The following TTLL6 variants were observed in gnomAD, a reference collection of about 807,000 sequenced individuals.
The protein encoded by TTLL6 is tubulin tyrosine ligase like 6, also known as tubulin polyglutamylase TTLL6.
A neutral mutation model predicts 96.4 loss-of-function variants in TTLL6; 75 were observed. The observed-to-expected ratio is 0.78, with a 90% confidence interval of 0.65 to 0.94. The LOEUF (loss-of-function observed/expected upper bound fraction) is 0.94. TTLL6 is among the 40% of genes least tolerant of loss of function. TTLL6 has a pLI of 0.00. For synonymous variants in TTLL6, 411 were observed against 419.4 expected, an observed-to-expected ratio of 0.98 and a Z score of 0.24; for missense variants, 1,030 against 1,093.0, an observed-to-expected ratio of 0.94 and a Z score of 0.81.
Position 48,769,110 on chromosome 17 carries a change from G to C in TTLL6, c.2555C>G (p.Ala852Gly), listed in dbSNP as rs2038677797. The change falls in exon 15 of 16, where the codon GCC becomes GGC. Residue 852 changes from alanine (A) to glycine (G), a missense_variant. By Grantham distance (60) the Ala-to-Gly change is moderately conservative. Coordinates refer to ENST00000393382, the MANE Select transcript of TTLL6 (RefSeq NM_001130918.3). ...TCTACAAGGCCTTGGATCCAGTTGG[G>C]CTGGAGTGGCAATCACCAGCAGGTC... ...LRDLLVIATPAQLDPRPCRSH... is the reference protein window; with the variant it reads ...LRDLLVIATPGQLDPRPCRSH... 6.2e-7 allele frequency: 1 copy of C among 1,614,054 alleles called. No homozygotes were observed. The highest frequency in any genetic ancestry group is 1.1e-5 in the South Asian group (1 of 91,086).
At chr17:48,803,340 C>T (rs2039455701) in intron 3 of TTLL6, among the ~76,000 whole-genome samples, 3 of 151,588 alleles carry the variant, frequency 2.0e-5, no homozygotes. Context: ...ACTAGAAATA[C>T]AAAAATTTAG....
At chr17:48,812,075 CA>C (rs2039605348) in intron 1 of TTLL6, 1 of 107,844 alleles carries the variant, frequency 9.3e-6, no homozygotes, top group African/African-American at 3.5e-5. Context: ...CCCCCCCCCC[CA>C]CCCCCCGCTC....
rs147242441 is a variant in TTLL6, at chr17:48,787,796, C to T, written c.1589+15G>A. The stretch of plus-strand genomic sequence containing the variant: ...CAGAACCCCTCCACCGACCTCATCC[C>T]GGATGTCTTCCTACCGGGCATACTC... On this transcript the variant is annotated intron_variant, in intron 11 of 15. Transcript: ENST00000393382. 2,739 of 1,610,772 alleles carry T rather than the reference C, an allele frequency of 1.7e-3. 5 individuals carry two copies. Among genetic ancestry groups the T allele is most frequent in the Middle Eastern group, 4.6e-3 (28 of 6,044 alleles).
At chr17:48,774,109 A>C (rs866353262) in intron 13 of TTLL6, among the ~76,000 whole-genome samples, 14 of 71,902 alleles carry the variant, frequency 1.9e-4, no homozygotes, top group Middle Eastern at 8.1e-3. Flanking sequence ...AAAAAAAAAA[A>C]AAACAAGAAA....
At position 48,804,621 on chromosome 17, in the gene TTLL6, C is replaced by A. The variant is rs1014364732; in HGVS notation, c.323+151G>T. ...TAAAACAGATCATCGAAAGTAGATT[C>A]TTTTTATATGAACCAAAAGTGGTGA... On this transcript the variant is annotated intron_variant, in intron 2 of 15. Transcript: ENST00000393382. 2.3e-5 allele frequency: 16 copies of A among 697,036 alleles called. No individual in the cohort carries two copies. The African/African-American group carries it at 2.5e-4, about 11-fold the overall frequency. 43.2% of individuals were successfully genotyped at this position (697,036 alleles called of 1,614,324 possible).
At chr17:48,772,827 C>T (rs1024935633) in intron 13 of TTLL6, among the ~76,000 whole-genome samples, 11 of 151,844 alleles carry the variant, frequency 7.2e-5, no homozygotes, top group African/African-American at 2.2e-4. Flanking sequence ...GAACACTAGC[C>T]TGGGCAATAT....
chr17:48,765,653 T>A (rs2038589340), intron 15 of TTLL6: 1 of 152,242 alleles, frequency 6.6e-6, no homozygotes, highest in Non-Finnish European at 1.5e-5. Flanking sequence ...CCTGCTCCAT[T>A]TCTGTCTTGG....
rs963760273 is a variant in TTLL6, at chr17:48,784,136, G to A, written c.2040+787C>T. 9.9e-5 allele frequency among the ~76,000 whole-genome samples: 15 copies of A among 152,234 alleles called. No individual in the cohort carries two copies. The South Asian group carries it at 2.7e-3, about 27-fold the overall frequency. On this transcript the variant is annotated intron_variant, in intron 13 of 15. Transcript: ENST00000393382. ...TAAGAAGGCCATGTAAAGATACACAGGGGAAGGCCAGGCGTGGTGGCTCAC... is the reference window on the plus strand; with the variant it reads ...TAAGAAGGCCATGTAAAGATACACAAGGGAAGGCCAGGCGTGGTGGCTCAC...
chr17:48,808,903 C>T (rs1410749405), intron 1 of TTLL6, among the ~76,000 whole-genome samples: 1 of 152,156 alleles, frequency 6.6e-6, no homozygotes, highest in Non-Finnish European at 1.5e-5. Context: ...CTTTTATACC[C>T]TACAGCCAAT....
intron 14 of TTLL6, 137 bp from the exon 15 acceptor site, chr17:48,769,391 G>T: frequency 1.8e-6 from 2 of 1,091,126 alleles, no homozygotes; most frequent in South Asian, 1.7e-5. Context: ...ATCAGCCATT[G>T]CTCCTTTTCT....
At position 48,797,026 on chromosome 17, in the gene TTLL6, G is replaced by T. The variant is rs1244340798; in HGVS notation, c.912+35C>A. On this transcript the variant is annotated intron_variant, in intron 7 of 15. Coordinates refer to ENST00000393382, the MANE Select transcript of TTLL6 (RefSeq NM_001130918.3). ...TTTTTTTTTTTTTAATCACGCTATG[G>T]GGGTAGGGTGAGGTAGTGTGTCTCC... 11 of 1,537,044 alleles carry T rather than the reference G, an allele frequency of 7.2e-6. No homozygotes were observed. The Admixed American group carries it at 2.3e-4, about 32-fold the overall frequency.
chr17:48,801,760 G>C, intron 3 of TTLL6, 117 bp from the exon 4 acceptor site: 1 of 734,592 alleles, frequency 1.4e-6, no homozygotes, highest in African/African-American at 1.8e-5. Flanking sequence ...TCGGCTCCTC[G>C]AGACTGGAAG....
At chr17:48,799,868 C>T in intron 5 of TTLL6, 108 bp from the exon 6 acceptor site, 1 of 1,003,604 alleles carries the variant, frequency 1.0e-6, no homozygotes, top group Non-Finnish European at 1.4e-6. Context: ...TGTGACAAAT[C>T]CCTGGCACTG....
At chr17:48,782,940 T>C (rs915908925) in intron 13 of TTLL6, among the ~76,000 whole-genome samples, 3 of 152,086 alleles carry the variant, frequency 2.0e-5, no homozygotes, top group African/African-American at 7.2e-5. Context: ...CTTGAACTCC[T>C]GACCTCAGGT....
chr17:48,799,112 T>A (rs1286837445), intron 6 of TTLL6, among the ~76,000 whole-genome samples: 2 of 152,206 alleles, frequency 1.3e-5, no homozygotes, highest in African/African-American at 4.8e-5. Flanking sequence ...GTGAGCCACT[T>A]TGCCCAGCCA....
intron 12 of TTLL6, among the ~76,000 whole-genome samples, chr17:48,785,681 C>T (rs1198205461): frequency 6.6e-6 from 1 of 152,134 alleles, no homozygotes. Flanking sequence ...CTGGTCCACG[C>T]TTTGCATAGA....
chr17:48,781,392 C>A (rs1027175635), intron 13 of TTLL6, among the ~76,000 whole-genome samples: 1 of 152,148 alleles, frequency 6.6e-6, no homozygotes, highest in African/African-American at 2.4e-5. Flanking sequence ...TCCTTAGAGG[C>A]TGCAGCATTT....
chr17:48,817,002 G>A lies in TTLL6; in HGVS notation c.71C>T (p.Pro24Leu), dbSNP rs1213954897. ...TCCTACTCCCCCGTCTCGCCCCGCT[G>A]GGCTGCTAGTCCAGCTTGCAACCAC... The part of the protein sequence containing the change: ...AGVVASWTSS[P>L]AGRDGGVGIA... The change falls in exon 1 of 16, where the codon CCA (proline) becomes CTA (leucine). Residue 24 changes from proline to leucine, a missense_variant. Transcript: ENST00000393382. 1.3e-6 allele frequency: 2 copies of A among 1,541,804 alleles called. No individual in the cohort carries two copies. Among genetic ancestry groups the A allele is most frequent in the South Asian group, 1.2e-5 (1 of 83,736 alleles).
chr17:48,812,064 A>ACCTCCCCCCCCCCCC (rs2039602289), intron 1 of TTLL6: 1 of 76,140 alleles, frequency 1.3e-5, no homozygotes, highest in African/African-American at 5.5e-5. Flanking sequence ...TGATGCTGGG[A>ACCTCCCCCCCCCCCC]CCCCCCCCCC....
Sources: gnomAD v4.1 joint callset for allele counts (sites outside exome capture counted in the v4.1 genomes callset) on GRCh38, gnomAD v4.1.1 for gene constraint, MANE v1.5 for transcripts, NCBI Gene and HGNC (gene_info 2026-07-23, HGNC 2026-07-21) for gene names.